Variants in ATP10A observed in about 807,000 individuals in gnomAD.
ATP10A encodes the protein ATPase phospholipid transporting 10A (putative).
A neutral mutation model predicts 147.8 loss-of-function variants in ATP10A; 111 were observed. The observed-to-expected ratio is 0.75, with a 90% confidence interval of 0.64 to 0.88. The LOEUF is 0.88. Among genes scored for constraint, ATP10A ranks in the 40% least tolerant of loss-of-function variants. The probability of loss-of-function intolerance (pLI) is 0.00; values close to 1 mark genes in which losing one functional copy is unlikely to be tolerated. For missense variants in ATP10A, 1,927 were observed against 1,959.0 expected (o/e 0.98, Z 0.31); for synonymous variants, 875 against 841.6 (o/e 1.04, Z -0.69).
chr15:25,834,076 T>G (rs1172748609), intron 1 of ATP10A, among the ~76,000 whole-genome samples: 1 of 152,234 alleles, frequency 6.6e-6, no homozygotes, highest in Non-Finnish European at 1.5e-5. Flanking sequence ...AACTACTAAC[T>G]ATGTGTGTTA....
chr15:25,699,712 T>C (rs1287238305), intron 13 of ATP10A, among the ~76,000 whole-genome samples: 1 of 151,844 alleles, frequency 6.6e-6, no homozygotes, highest in Non-Finnish European at 1.5e-5. Flanking sequence ...CTTAAAAAAA[T>C]AAAAAATTAG....
chr15:25,850,524 G>A (rs762962029), intron 1 of ATP10A, among the ~76,000 whole-genome samples: 1 of 152,182 alleles, frequency 6.6e-6, no homozygotes, highest in Non-Finnish European at 1.5e-5. Context: ...CTGGGGGCCA[G>A]CCCACAGGCG....
At chr15:25,687,376 T>C (rs944016376) in intron 16 of ATP10A, among the ~76,000 whole-genome samples, 5 of 151,970 alleles carry the variant, frequency 3.3e-5, no homozygotes, top group Non-Finnish European at 7.4e-5. Context: ...CTTGAAGGTT[T>C]ACCAGCTGTG....
At chr15:25,795,235 C>A (rs892739849) in intron 1 of ATP10A, among the ~76,000 whole-genome samples, 1 of 152,172 alleles carries the variant, frequency 6.6e-6, no homozygotes, top group African/African-American at 2.4e-5. Context: ...CCCACCTTCT[C>A]AGCCACACAG....
At chr15:25,854,287 T>A (rs1455021357) in intron 1 of ATP10A, among the ~76,000 whole-genome samples, 1 of 152,154 alleles carries the variant, frequency 6.6e-6, no homozygotes, top group Non-Finnish European at 1.5e-5. Context: ...AGCAAAAGGA[T>A]CAATTACATT....
At chr15:25,781,569 C>T (rs942881259) in intron 1 of ATP10A, among the ~76,000 whole-genome samples, 2 of 151,882 alleles carry the variant, frequency 1.3e-5, no homozygotes, top group African/African-American at 4.8e-5. Context: ...GCAGGAGAAT[C>T]ACTTGAACCT....
At chr15:25,842,108 T>A (rs529703111) in intron 1 of ATP10A, among the ~76,000 whole-genome samples, 38 of 152,298 alleles carry the variant, frequency 2.5e-4, no homozygotes, top group African/African-American at 8.7e-4. Context: ...CTGGGTCTCC[T>A]GGAGCCACCG....
chr15:25,806,149 C>T (rs994042280), intron 1 of ATP10A, among the ~76,000 whole-genome samples: 1 of 152,102 alleles, frequency 6.6e-6, no homozygotes, highest in Admixed American at 6.6e-5. Flanking sequence ...GCCTGGCTCT[C>T]CTGCCTCCCC....
intron 1 of ATP10A, among the ~76,000 whole-genome samples, chr15:25,788,315 C>T (rs1403605588): frequency 6.6e-6 from 1 of 152,240 alleles, no homozygotes; most frequent in African/African-American, 2.4e-5. Flanking sequence ...TGACTCATCC[C>T]CAGTAAGACA....
chr15:25,849,001 G>A (rs1396945879), intron 1 of ATP10A, among the ~76,000 whole-genome samples: 1 of 152,068 alleles, frequency 6.6e-6, no homozygotes, highest in African/African-American at 2.4e-5. Flanking sequence ...CTGTGGGAGG[G>A]GGAACATAGG....
At chr15:25,764,700 A>G (rs1888934219) in intron 2 of ATP10A, among the ~76,000 whole-genome samples, 1 of 152,222 alleles carries the variant, frequency 6.6e-6, no homozygotes, top group Admixed American at 6.5e-5. Flanking sequence ...TCATTACAGT[A>G]TTAGGAACAG....
At chr15:25,683,786 T>C in intron 16 of ATP10A, 1 of 421,356 alleles carries the variant, frequency 2.4e-6, no homozygotes, top group South Asian at 2.8e-5. Flanking sequence ...CTCTGGATCA[T>C]TAACATAAAA....
At chr15:25,778,519 G>A (rs1055590694) in intron 2 of ATP10A, among the ~76,000 whole-genome samples, 49 of 150,784 alleles carry the variant, frequency 3.2e-4, no homozygotes, top group African/African-American at 8.3e-4. Context: ...CCAGAAAGTC[G>A]GGGGAAAAAG....
chr15:25,711,446 C>T (rs1901413344), intron 10 of ATP10A, among the ~76,000 whole-genome samples: 2 of 152,090 alleles, frequency 1.3e-5, no homozygotes, highest in Non-Finnish European at 1.5e-5. Context: ...TAAGGGCAGG[C>T]GGTCACAGGT....
intron 1 of ATP10A, among the ~76,000 whole-genome samples, chr15:25,831,812 G>T (rs1324984181): frequency 6.6e-6 from 1 of 152,130 alleles, no homozygotes; most frequent in Non-Finnish European, 1.5e-5. Context: ...TGAGCAAAAT[G>T]GAATGCTTAA....
chr15:25,828,163 T>A (rs1278886103), intron 1 of ATP10A, among the ~76,000 whole-genome samples: 1 of 151,596 alleles, frequency 6.6e-6, no homozygotes, highest in East Asian at 1.9e-4. Flanking sequence ...AAGCAGAAAA[T>A]GACAGAACTG....
At chr15:25,764,868 G>T (rs1888942825) in intron 2 of ATP10A, among the ~76,000 whole-genome samples, 1 of 152,238 alleles carries the variant, frequency 6.6e-6, no homozygotes, top group Non-Finnish European at 1.5e-5. Flanking sequence ...GCCTGCTAAT[G>T]GCAGAGGGTA....
chr15:25,700,878 AG>A (rs969645048), intron 13 of ATP10A, among the ~76,000 whole-genome samples: 1 of 152,120 alleles, frequency 6.6e-6, no homozygotes, highest in African/African-American at 2.4e-5. Context: ...CCAGGTCATC[AG>A]GTCAACCTTT....
chr15:25,741,067 T>G (rs1887558865), intron 2 of ATP10A, among the ~76,000 whole-genome samples: 1 of 152,158 alleles, frequency 6.6e-6, no homozygotes, highest in African/African-American at 2.4e-5. Flanking sequence ...CCTGGTAGGG[T>G]AGGCAGGTGC....
Sources: allele counts gnomAD v4.1 joint callset (sites outside exome capture counted in the v4.1 genomes callset), GRCh38; gene constraint gnomAD v4.1.1; transcripts MANE v1.5; gene names NCBI Gene and HGNC (gene_info 2026-07-23, HGNC 2026-07-21).